TFEB: variants seen among roughly 807,000 people sequenced by gnomAD.
The protein encoded by TFEB is T-cell transcription factor EB.
TFEB carries 12 observed loss-of-function variants against 48.0 expected under a neutral mutation model. The observed-to-expected ratio is 0.25, with a 90% CI of 0.16 to 0.40. The LOEUF (loss-of-function observed/expected upper bound fraction) is 0.40, where lower values mean the gene tolerates loss of function less well. Ranked by LOEUF, TFEB falls within the 10% of genes least tolerant of loss-of-function variation. The pLI is 1.00. For missense variants in TFEB, 509 were observed against 640.3 expected, an observed-to-expected ratio of 0.79 and a Z score of 2.21; for synonymous variants, 244 against 261.4, an observed-to-expected ratio of 0.93 and a Z score of 0.64.
At chr6:41,702,532 C>T (rs1356863301) in intron 1 of TFEB, among the ~76,000 whole-genome samples, 1 of 152,120 alleles carries the variant, frequency 6.6e-6, no homozygotes, top group African/African-American at 2.4e-5. Context: ...CTCCACTTGC[C>T]CCAAGTACCC....
intron 1 of TFEB, chr6:41,733,925 C>G: frequency 1.0e-6 from 1 of 979,430 alleles, no homozygotes; most frequent in Middle Eastern, 5.3e-4. Flanking sequence ...CAGGTCTGGG[C>G]CAATGGAATC....
intron 1 of TFEB, among the ~76,000 whole-genome samples, chr6:41,725,332 GAAC>G (rs1286787069): frequency 6.6e-6 from 1 of 152,154 alleles, no homozygotes; most frequent in Non-Finnish European, 1.5e-5. Flanking sequence ...CCCTAGTGGA[GAAC>G]TACTGCCCTA....
chr6:41,734,985 C>T lies in TFEB; in HGVS notation c.-23+365G>A. On this transcript the variant is annotated intron_variant, in intron 1 of 8. Coordinates refer to ENST00000373033, the MANE Select transcript of TFEB (RefSeq NM_001271944.2). The surrounding 1 kb of genome is among the most constrained non-coding windows in gnomAD (Gnocchi z 4.0). ...CGGGGCCCGCGCGTCCCTCAAACTT[C>T]TTGCGAGTTCACCATCACGCCTCCC... The T allele has an allele frequency of 6.1e-6, 6 of 985,498 alleles. No individual in the cohort carries two copies. The highest frequency in any genetic ancestry group is 7.2e-6 in the Non-Finnish European group (6 of 829,992). The allele number at this position is 985,498 out of a possible 1,614,324, so 61.0% of individuals were successfully genotyped here.
chr6:41,685,959 C>T (rs1383708102), intron 8 of TFEB, 131 bp downstream of exon 8: 5 of 1,213,140 alleles, frequency 4.1e-6, no homozygotes, highest in African/African-American at 1.5e-5. Context: ...AACATCCTAA[C>T]TGATACATCC....
At chr6:41,709,533 A>ATGGATGGC (rs1217934004) in intron 1 of TFEB, among the ~76,000 whole-genome samples, 1 of 74,356 alleles carries the variant, frequency 1.3e-5, no homozygotes, top group Non-Finnish European at 2.3e-5. Flanking sequence ...TGGTTGGTGG[A>ATGGATGGC]TGGATGGATG....
At chr6:41,695,778 T>C (rs1038086384) in intron 1 of TFEB, among the ~76,000 whole-genome samples, 14 of 151,862 alleles carry the variant, frequency 9.2e-5, no homozygotes, top group African/African-American at 3.1e-4. Context: ...GCTCTTACAG[T>C]GGGAATATGT....
At chr6:41,704,250 G>A (rs1425780988) in intron 1 of TFEB, among the ~76,000 whole-genome samples, 4 of 152,190 alleles carry the variant, frequency 2.6e-5, no homozygotes, top group Admixed American at 1.3e-4. Context: ...GAAGACAGCC[G>A]GGCTTAGTGG....
chr6:41,732,126 T>C (rs576384641), intron 1 of TFEB, among the ~76,000 whole-genome samples: 70 of 152,138 alleles, frequency 4.6e-4, no homozygotes, highest in Non-Finnish European at 9.4e-4. Flanking sequence ...GCTCCAGTGA[T>C]CCTCCCACCT....
At chr6:41,700,055 C>T (rs1224123686) in intron 1 of TFEB, among the ~76,000 whole-genome samples, 2 of 152,202 alleles carry the variant, frequency 1.3e-5, no homozygotes, top group African/African-American at 4.8e-5. Flanking sequence ...TCCAACAGCA[C>T]ACAAAGGCTG....
chr6:41,735,450 T>C lies in TFEB; in HGVS notation c.-123A>G. 1.0e-6 allele frequency: 1 copy of C among 984,634 alleles called. No homozygotes were observed. The highest frequency in any genetic ancestry group is 4.7e-5 in the South Asian group (1 of 21,332). The allele number at this position is 984,634 out of a possible 1,614,324, so 61.0% of individuals were successfully genotyped here. ...CCCGCAAGCTGTGCCCGCCACCTGC[T>C]CCCGGCCTGCTCCGGCCCCGTGCCA... is the stretch of plus-strand genomic sequence containing the variant. On this transcript the variant is annotated 5_prime_UTR_variant, in exon 1 of 9. Transcript: ENST00000373033.
intron 1 of TFEB, among the ~76,000 whole-genome samples, chr6:41,717,331 G>A (rs1340617886): frequency 6.6e-6 from 1 of 152,158 alleles, no homozygotes; most frequent in African/African-American, 2.4e-5. Flanking sequence ...CCCACAGCCA[G>A]GGCCTCCTTT....
chr6:41,689,193 C>A (rs1461734588), intron 4 of TFEB, among the ~76,000 whole-genome samples: 1 of 152,302 alleles, frequency 6.6e-6, no homozygotes. Context: ...CACCTCCCCA[C>A]CTGCTACCCC....
chr6:41,689,872 C>A, intron 3 of TFEB, 61 bp from the exon 4 acceptor site: 9 of 1,392,440 alleles, frequency 6.5e-6, no homozygotes, highest in Non-Finnish European at 8.1e-6. Flanking sequence ...GGGAAAGAGG[C>A]ATTGGGACAA....
upstream of TFEB, chr6:41,736,038 C>G: frequency 7.0e-7 from 1 of 1,435,188 alleles, no homozygotes; most frequent in Non-Finnish European, 9.8e-7. Flanking sequence ...ATCCCTGCCC[C>G]GATCATAAGG....
chr6:41,714,561 A>AAATAT (rs1385090376), intron 1 of TFEB, among the ~76,000 whole-genome samples: 2 of 152,142 alleles, frequency 1.3e-5, no homozygotes. Context: ...CATTCCATTC[A>AAATAT]TTCATTTCAA....
intron 1 of TFEB, among the ~76,000 whole-genome samples, chr6:41,704,973 C>T (rs908724024): frequency 7.2e-5 from 11 of 152,284 alleles, no homozygotes; most frequent in Non-Finnish European, 1.5e-5. Context: ...GCTTCAAAGC[C>T]GAGATGGTTA....
Position 41,690,795 on chromosome 6 carries a change from C to A in TFEB, c.336G>T (p.Gln112His). The A allele has an allele frequency of 1.2e-6, 2 of 1,612,888 alleles. No homozygotes were observed. Among genetic ancestry groups the A allele is most frequent in the Non-Finnish European group, 1.7e-6 (2 of 1,179,446 alleles). The change falls in exon 3 of 9, where the codon CAG becomes CAT. Residue 112 changes from glutamine (Q) to histidine (H), a missense_variant. Physicochemically the swap from Gln to His is conservative, Grantham distance 24. Transcript: ENST00000373033. ...NKFAAHISPA[Q>H]GSPKPPPAAS... ...CGGCTGGTGGGGGTTTCGGAGAGCC[C>A]TGGGCTGGGCTGATGTGGGCAGCAA... is the stretch of plus-strand genomic sequence containing the variant.
intron 1 of TFEB, chr6:41,735,143 G>C (rs948551774): frequency 1.0e-6 from 1 of 959,244 alleles, no homozygotes; most frequent in South Asian, 4.8e-5. Flanking sequence ...CTCCCGGCTC[G>C]GCGGGCAGCG....
At chr6:41,696,999 T>G (rs142205011) in intron 1 of TFEB, among the ~76,000 whole-genome samples, 1 of 152,200 alleles carries the variant, frequency 6.6e-6, no homozygotes, top group Admixed American at 6.5e-5. Flanking sequence ...TGTAATTTGA[T>G]ATGGGTGTTG....
Sources: allele counts gnomAD v4.1 joint callset (sites outside exome capture counted in the v4.1 genomes callset), GRCh38; gene constraint gnomAD v4.1.1; non-coding constraint Gnocchi (gnomAD v3.1); transcripts MANE v1.5; gene names NCBI Gene and HGNC (gene_info 2026-07-23, HGNC 2026-07-21).